The following RFTN1 variants were observed in gnomAD, a reference collection of about 807,000 sequenced individuals.
RFTN1 encodes raftlin.
RFTN1 carries 26 observed loss-of-function variants against 46.5 expected under a neutral mutation model. The observed-to-expected ratio is 0.56, with a 90% confidence interval of 0.41 to 0.78. The LOEUF (loss-of-function observed/expected upper bound fraction) is 0.78, where lower values mean the gene tolerates loss of function less well. Among genes scored for constraint, RFTN1 ranks in the 30% least tolerant of loss-of-function variants. RFTN1 has a pLI of 0.00. For synonymous variants in RFTN1, 261 were observed against 284.2 expected (o/e 0.92, Z 0.82); for missense variants, 693 against 718.7 (o/e 0.96, Z 0.41).
Position 16,425,365 on chromosome 3 carries a change from C to T in RFTN1, c.332+8486G>A, listed in dbSNP as rs1330305972. Reference sequence around the variant, plus strand: ...CAGGAAATTTCAAAGAAATTCAGTGCTTGTGCATTTGTTTGGGTACCTGCT... The same window carrying T: ...CAGGAAATTTCAAAGAAATTCAGTGTTTGTGCATTTGTTTGGGTACCTGCT... On this transcript the variant is annotated intron_variant, in intron 3 of 9. Coordinates refer to ENST00000334133, the MANE Select transcript of RFTN1 (RefSeq NM_015150.2). The surrounding 1 kb of genome is among the most constrained non-coding windows in gnomAD (Gnocchi z 4.3). Among the ~76,000 whole-genome samples the T allele has an allele frequency of 6.6e-6, 1 of 152,164 alleles. No individual in the cohort carries two copies. Among genetic ancestry groups the T allele is most frequent in the Non-Finnish European group, 1.5e-5 (1 of 68,040 alleles).
chr3:16,344,501 C>A lies in RFTN1; in HGVS notation c.1146+13431G>T, dbSNP rs1450855673. 6.6e-6 allele frequency among the ~76,000 whole-genome samples: 1 copy of A among 152,048 alleles called. No individual in the cohort carries two copies. The highest frequency in any genetic ancestry group is 1.5e-5 in the Non-Finnish European group (1 of 68,010). On this transcript the variant is annotated intron_variant, in intron 7 of 9. Coordinates refer to ENST00000334133, the MANE Select transcript of RFTN1 (RefSeq NM_015150.2). This position sits in a 1 kb window ranked among gnomAD's most constrained non-coding sequence, Gnocchi z 4.4. ...CAGACCTGCCCTGGCCTTCTTCCCC[C>A]TCGCCCAACTAGAATGCTTTATGTG...
In RFTN1 at chr3:16,506,651, AG is replaced by A. The variant is rs2076811985; in HGVS notation, c.-9+6790del. ...TCTTCTGAGATGGGTAGAAGAAGCC[AG>A]GAGTTAGCCATGTTAACTCCACCCA... On this transcript the variant is annotated intron_variant, in intron 1 of 9. Transcript: ENST00000334133. The surrounding 1 kb of genome is among the most constrained non-coding windows in gnomAD (Gnocchi z 4.8). Among the ~76,000 whole-genome samples, 1 of 152,020 alleles carries A rather than the reference AG, an allele frequency of 6.6e-6. No homozygotes were observed. The highest frequency in any genetic ancestry group is 6.5e-5 in the Admixed American group (1 of 15,278).
At chr3:16,467,464 C>A (rs2076116963) in intron 2 of RFTN1, among the ~76,000 whole-genome samples, 1 of 152,224 alleles carries the variant, frequency 6.6e-6, no homozygotes, top group Admixed American at 6.5e-5. Flanking sequence ...CCTCCGCTGC[C>A]CGCCACTCAT....
rs1436611737 is a variant in RFTN1 at position 16,410,699 on chromosome 3, A to C, written c.333-1216T>G. Among the ~76,000 whole-genome samples, 1 of 152,062 alleles carries C rather than the reference A, an allele frequency of 6.6e-6. No individual in the cohort carries two copies. Among genetic ancestry groups the C allele is most frequent in the Non-Finnish European group, 1.5e-5 (1 of 67,988 alleles). On this transcript the variant is annotated intron_variant, in intron 3 of 9. Coordinates refer to ENST00000334133, the MANE Select transcript of RFTN1 (RefSeq NM_015150.2). This position sits in a 1 kb window ranked among gnomAD's most constrained non-coding sequence, Gnocchi z 4.6. ...GCCTGTAGTCTTGCTGTCAAAGGAG[A>C]GGCTTCCTAGCGCACCCTGCCATCT...
At position 16,338,834 on chromosome 3, in the gene RFTN1, A is replaced by G. The variant is rs1283078295; in HGVS notation, c.1147-11958T>C. ...AAAGTGTATAATTAAAAAGTTGTTT[A>G]TTTTGGAGTTGGGGACCTGGGGAGA... On this transcript the variant is annotated intron_variant, in intron 7 of 9. Transcript: ENST00000334133. This position sits in a 1 kb window ranked among gnomAD's most constrained non-coding sequence, Gnocchi z 5.3. Among the ~76,000 whole-genome samples, 2 of 152,196 alleles carry G rather than the reference A, an allele frequency of 1.3e-5. No individual in the cohort carries two copies.
At position 16,447,325 on chromosome 3, in the gene RFTN1, C is replaced by T. The variant is rs1431114590; in HGVS notation, c.146-13288G>A. ...TCTCTAAAACAGGCTTCCACAGCTG[C>T]ATTTTCAGCTTTGCATGAAGGATTA... On this transcript the variant is annotated intron_variant, in intron 2 of 9. Coordinates refer to ENST00000334133, the MANE Select transcript of RFTN1 (RefSeq NM_015150.2). This position sits in a 1 kb window ranked among gnomAD's most constrained non-coding sequence, Gnocchi z 5.9. Among the ~76,000 whole-genome samples, 1 of 152,228 alleles carries T rather than the reference C, an allele frequency of 6.6e-6. No homozygotes were observed. Among genetic ancestry groups the T allele is most frequent in the Admixed American group, 6.5e-5 (1 of 15,290 alleles).
At chr3:16,373,573 C>T (rs1242232161) in intron 5 of RFTN1, among the ~76,000 whole-genome samples, 2 of 152,190 alleles carry the variant, frequency 1.3e-5, no homozygotes, top group Non-Finnish European at 2.9e-5. Context: ...AGGTGGGGCC[C>T]CAGAGAGCCC....
chr3:16,374,870 G>A lies in RFTN1; in HGVS notation c.826+2848C>T, dbSNP rs1192721215. Among the ~76,000 whole-genome samples, 2 of 152,172 alleles carry A rather than the reference G, an allele frequency of 1.3e-5. No homozygotes were observed. The highest frequency in any genetic ancestry group is 2.4e-5 in the African/African-American group (1 of 41,448). ...CCACGGCGGGCCTCCCCAAGAACCT[G>A]CAGGGGCAAGGAGGCGTGACGGCTG... On this transcript the variant is annotated intron_variant, in intron 5 of 9. Coordinates refer to ENST00000334133, the MANE Select transcript of RFTN1 (RefSeq NM_015150.2). This position sits in a 1 kb window ranked among gnomAD's most constrained non-coding sequence, Gnocchi z 5.4.
chr3:16,339,247 G>A (rs1315174618), intron 7 of RFTN1: 3 of 152,262 alleles, frequency 2.0e-5, no homozygotes, highest in Non-Finnish European at 2.9e-5. Context: ...TGACTCAACT[G>A]TCAGTATCAT....
rs2075262924 is a variant in RFTN1, at chr3:16,424,997, T to A, written c.332+8854A>T. 6.6e-6 allele frequency among the ~76,000 whole-genome samples: 1 copy of A among 152,152 alleles called. No individual in the cohort carries two copies. Among genetic ancestry groups the A allele is most frequent in the Non-Finnish European group, 1.5e-5 (1 of 68,026 alleles). On this transcript the variant is annotated intron_variant, in intron 3 of 9. Coordinates refer to ENST00000334133, the MANE Select transcript of RFTN1 (RefSeq NM_015150.2). This position sits in a 1 kb window ranked among gnomAD's most constrained non-coding sequence, Gnocchi z 4.7. ...AAGAGGAAAAAATGTCAATTTTCAA[T>A]TCAACAGAGTTGAATAGGTAGACTA... is the stretch of plus-strand genomic sequence containing the variant.
rs1380445071 is a variant in RFTN1, at chr3:16,509,206, A to G, written c.-9+4236T>C. ...ACAAAATGAAAACAAACAAACAACA[A>G]CAAAAAAAAACTAAAGAAAATGATT... On this transcript the variant is annotated intron_variant, in intron 1 of 9. Transcript: ENST00000334133. The surrounding 1 kb of genome is among the most constrained non-coding windows in gnomAD (Gnocchi z 4.9). Among the ~76,000 whole-genome samples, 1 of 151,688 alleles carries G rather than the reference A, an allele frequency of 6.6e-6. No homozygotes were observed. Among genetic ancestry groups the G allele is most frequent in the African/African-American group, 2.4e-5 (1 of 40,986 alleles).
chr3:16,324,865 C>T (rs2069538414), intron 8 of RFTN1, among the ~76,000 whole-genome samples: 1 of 151,898 alleles, frequency 6.6e-6, no homozygotes, highest in Non-Finnish European at 1.5e-5. Context: ...GGATCATGTG[C>T]TAAGTCTATC....
chr3:16,353,109 G>A lies in RFTN1; in HGVS notation c.1146+4823C>T, dbSNP rs2072207842. ...GAGACATGAGAAAGAGCTGGGCAGG[G>A]ACGTTTTGTGGTCGGAGAGCTAGAG... On this transcript the variant is annotated intron_variant, in intron 7 of 9. Transcript: ENST00000334133. This position sits in a 1 kb window ranked among gnomAD's most constrained non-coding sequence, Gnocchi z 5.4. Among the ~76,000 whole-genome samples the A allele has an allele frequency of 6.6e-6, 1 of 152,194 alleles. No individual in the cohort carries two copies. Among genetic ancestry groups the A allele is most frequent in the Admixed American group, 6.5e-5 (1 of 15,284 alleles).
rs1233715492 is a variant in RFTN1, at chr3:16,473,459, G to GGA, written c.145+20265_145+20266insTC. Among the ~76,000 whole-genome samples, 2 of 151,456 alleles carry GGA rather than the reference G, an allele frequency of 1.3e-5. No individual in the cohort carries two copies. Among genetic ancestry groups the GGA allele is most frequent in the African/African-American group, 4.9e-5 (2 of 41,116 alleles). ...TCTGTCGCCAAGGCTGGAGTGCAGT[G>GGA]GTGTGATCTCGGCTCACTGCAATCT... On this transcript the variant is annotated intron_variant, in intron 2 of 9. Coordinates refer to ENST00000334133, the MANE Select transcript of RFTN1 (RefSeq NM_015150.2). The surrounding 1 kb of genome is among the most constrained non-coding windows in gnomAD (Gnocchi z 5.3).
chr3:16,411,690 G>C (rs2074983547), intron 3 of RFTN1, among the ~76,000 whole-genome samples: 1 of 152,150 alleles, frequency 6.6e-6, no homozygotes, highest in Admixed American at 6.5e-5. Flanking sequence ...ACTTGGTCAA[G>C]ACACACTGTC....
At position 16,479,941 on chromosome 3, in the gene RFTN1, G is replaced by C. The variant is rs976412973; in HGVS notation, c.145+13784C>G. Among the ~76,000 whole-genome samples, 1 of 152,200 alleles carries C rather than the reference G, an allele frequency of 6.6e-6. No individual in the cohort carries two copies. The highest frequency in any genetic ancestry group is 2.4e-5 in the African/African-American group (1 of 41,444). On this transcript the variant is annotated intron_variant, in intron 2 of 9. Transcript: ENST00000334133. This position sits in a 1 kb window ranked among gnomAD's most constrained non-coding sequence, Gnocchi z 5.1. ...CAGACTCTATTAGGGCTATACCCAA[G>C]CTGGCCTGGTTTCCAGATATAGGAG... is the stretch of plus-strand genomic sequence containing the variant.
Position 16,418,275 on chromosome 3 carries a change from C to T in RFTN1, c.333-8792G>A, listed in dbSNP as rs1575260460. Among the ~76,000 whole-genome samples, 2 of 152,170 alleles carry T rather than the reference C, an allele frequency of 1.3e-5. No homozygotes were observed. Among genetic ancestry groups the T allele is most frequent in the East Asian group, 3.8e-4 (2 of 5,196 alleles). On this transcript the variant is annotated intron_variant, in intron 3 of 9. Coordinates refer to ENST00000334133, the MANE Select transcript of RFTN1 (RefSeq NM_015150.2). The surrounding 1 kb of genome is among the most constrained non-coding windows in gnomAD (Gnocchi z 5.0). ...TTGCCTGTCGAAAAACTATTATAAA[C>T]TATACTTCTAAAAAATAAGCATGTG...
Position 16,400,463 on chromosome 3 carries a change from C to T in RFTN1, c.441+8912G>A, listed in dbSNP as rs1575224417. On this transcript the variant is annotated intron_variant, in intron 4 of 9. Transcript: ENST00000334133. This position sits in a 1 kb window ranked among gnomAD's most constrained non-coding sequence, Gnocchi z 4.5. ...CCTACAACCCTCATGTGCCCATCTG[C>T]TCTGTGTCTGTGCCCTCAGCTAGAC... is the stretch of plus-strand genomic sequence containing the variant. Among the ~76,000 whole-genome samples the T allele has an allele frequency of 2.0e-5, 3 of 152,334 alleles. No homozygotes were observed.
At chr3:16,343,745 C>T (rs887695665) in intron 7 of RFTN1, among the ~76,000 whole-genome samples, 1 of 152,196 alleles carries the variant, frequency 6.6e-6, no homozygotes, top group Non-Finnish European at 1.5e-5. Flanking sequence ...ACAAAAGGAA[C>T]TAATGTGGAT....
Sources: allele counts gnomAD v4.1 joint callset (sites outside exome capture counted in the v4.1 genomes callset), GRCh38; gene constraint gnomAD v4.1.1; non-coding constraint Gnocchi (gnomAD v3.1); transcripts MANE v1.5; gene names NCBI Gene and HGNC (gene_info 2026-07-23, HGNC 2026-07-21).